Variants in RBFOX3 observed in about 807,000 individuals in gnomAD.
The protein encoded by RBFOX3 is RNA binding protein fox-1 homolog 3.
Under a neutral mutation model 48.7 loss-of-function variants are expected in RBFOX3, and 17 were observed. That is an observed-to-expected ratio of 0.35 (90% CI 0.24 to 0.52). The LOEUF (loss-of-function observed/expected upper bound fraction) is 0.52. Ranked by LOEUF, RBFOX3 falls within the 20% of genes least tolerant of loss-of-function variation. RBFOX3 has a pLI of 0.94. For synonymous variants in RBFOX3, 212 were observed against 209.5 expected, an observed-to-expected ratio of 1.01 and a Z score of -0.10; for missense variants, 382 against 497.5, an observed-to-expected ratio of 0.77 and a Z score of 2.21.
At chr17:79,143,142 C>A (rs965531383) in intron 4 of RBFOX3, among the ~76,000 whole-genome samples, 22 of 152,140 alleles carry the variant, frequency 1.4e-4, no homozygotes, top group Admixed American at 9.2e-4. Flanking sequence ...ATACCTTGGA[C>A]CCCACAAGAA....
chr17:79,308,386 G>A (rs8082181), intron 2 of RBFOX3, among the ~76,000 whole-genome samples: 23,608 of 152,200 alleles, frequency 0.16, 1,923 homozygotes, highest in Non-Finnish European at 0.18. Context: ...GACCCCATCA[G>A]TGTCACCACG....
intron 2 of RBFOX3, among the ~76,000 whole-genome samples, chr17:79,379,049 A>T (rs986816512): frequency 6.6e-6 from 1 of 152,112 alleles, no homozygotes; most frequent in African/African-American, 2.4e-5. Context: ...GGGATTCTCA[A>T]CTGGGGAAGC....
intron 5 of RBFOX3, among the ~76,000 whole-genome samples, chr17:79,113,613 C>T (rs545332944): frequency 6.6e-6 from 1 of 152,264 alleles, no homozygotes; most frequent in Admixed American, 6.5e-5. Flanking sequence ...GGTGGTGAGA[C>T]TCCCATCCTC....
intron 1 of RBFOX3, among the ~76,000 whole-genome samples, chr17:79,547,370 G>A (rs1277139042): frequency 6.6e-6 from 1 of 152,178 alleles, no homozygotes; most frequent in Non-Finnish European, 1.5e-5. Flanking sequence ...CAGGAGAATT[G>A]CTTGAATCCC....
At chr17:79,329,959 C>T (rs1001371618) in intron 2 of RBFOX3, among the ~76,000 whole-genome samples, 2 of 152,196 alleles carry the variant, frequency 1.3e-5, no homozygotes, top group African/African-American at 4.8e-5. Context: ...CCCAGGAGCA[C>T]CTCTGTTCAC....
rs1164746364 is a variant in RBFOX3 at position 79,553,749 on chromosome 17, G to GTC, written c.-320+57075_-320+57076dup. Among the ~76,000 whole-genome samples the GTC allele has an allele frequency of 6.7e-3, 999 of 149,752 alleles. 5 individuals carry two copies. Among genetic ancestry groups the GTC allele is most frequent in the South Asian group, 0.029 (139 of 4,738 alleles). On this transcript the variant is annotated intron_variant, in intron 1 of 14. Transcript: ENST00000693108. ...TGTTTGTTTTCGTTTTTGAGACAGA[G>GTC]TCTCTCTCTCTCTCTCTCTGTTGCC...
chr17:79,193,694 C>T (rs2054975658), intron 4 of RBFOX3, among the ~76,000 whole-genome samples: 1 of 152,096 alleles, frequency 6.6e-6, no homozygotes, highest in Admixed American at 6.5e-5. Flanking sequence ...ATTGGAAATC[C>T]ACACTGGGAA....
intron 4 of RBFOX3, among the ~76,000 whole-genome samples, chr17:79,191,265 A>G (rs1221336123): frequency 2.0e-5 from 3 of 152,200 alleles, no homozygotes; most frequent in Non-Finnish European, 4.4e-5. Context: ...TAGAGAGGGA[A>G]TGGTGGCCCG....
intron 2 of RBFOX3, among the ~76,000 whole-genome samples, chr17:79,380,048 A>T (rs2059701040): frequency 6.6e-6 from 1 of 151,738 alleles, no homozygotes; most frequent in Non-Finnish European, 1.5e-5. Context: ...TCCCTCTGTT[A>T]GTCACCTCCC....
chr17:79,324,504 A>T lies in RBFOX3; in HGVS notation c.-174-16680T>A, dbSNP rs563144972. Among the ~76,000 whole-genome samples the T allele has an allele frequency of 2.4e-4, 36 of 152,250 alleles. No homozygotes were observed. The South Asian group carries it at 7.5e-3, about 32-fold the overall frequency. The stretch of plus-strand genomic sequence containing the variant: ...ATTGGCAGTGCCCCTTCTTCGATGG[A>T]GGGCATGTAGCTTATCCTCACATCC... On this transcript the variant is annotated intron_variant, in intron 2 of 14. Coordinates refer to ENST00000693108, the MANE Select transcript of RBFOX3 (RefSeq NM_001350451.2).
intron 4 of RBFOX3, among the ~76,000 whole-genome samples, chr17:79,140,624 C>T (rs2041732464): frequency 6.6e-6 from 1 of 152,252 alleles, no homozygotes; most frequent in African/African-American, 2.4e-5. Flanking sequence ...GGAAGCACAG[C>T]ATGACAGACC....
At chr17:79,168,858 T>C (rs1322007608) in intron 4 of RBFOX3, among the ~76,000 whole-genome samples, 1 of 149,348 alleles carries the variant, frequency 6.7e-6, no homozygotes, top group Non-Finnish European at 1.5e-5. Context: ...CGCCTGGCCC[T>C]GGGTCATGAA....
intron 4 of RBFOX3, among the ~76,000 whole-genome samples, chr17:79,161,682 G>A (rs780257371): frequency 9.9e-5 from 15 of 152,074 alleles, no homozygotes; most frequent in Non-Finnish European, 2.1e-4. Context: ...TGCAACCTCC[G>A]CCTCCCGGGT....
intron 2 of RBFOX3, among the ~76,000 whole-genome samples, chr17:79,461,441 C>G (rs2149265068): frequency 6.6e-6 from 1 of 152,326 alleles, no homozygotes; most frequent in East Asian, 1.9e-4. Context: ...GATTGCATCT[C>G]CAACCATTTC....
At chr17:79,568,202 T>C (rs1049329365) in intron 1 of RBFOX3, among the ~76,000 whole-genome samples, 3,813 of 152,132 alleles carry the variant, frequency 0.025, 152 homozygotes, top group African/African-American at 0.087. Flanking sequence ...GAAGCAAACA[T>C]CCAAGGCCCC....
rs1425156831 is a variant in RBFOX3 at position 79,307,723 on chromosome 17, C to T, written c.-74+1G>A. ...CATTGCGTAGAGAGGTTGGTTCTTA[C>T]CTGTTTGCAGAGGGATGGCTCCAGG... is the stretch of plus-strand genomic sequence containing the variant. On this transcript the variant is annotated splice_donor_variant, in intron 3 of 14. Transcript: ENST00000693108. LOFTEE classifies it low-confidence loss of function (5UTR_SPLICE). The T allele has an allele frequency of 6.5e-6, 1 of 153,736 alleles. No homozygotes were observed. Among genetic ancestry groups the T allele is most frequent in the Non-Finnish European group, 1.5e-5 (1 of 68,056 alleles). The allele number at this position is 153,736 out of a possible 1,614,324, so 9.5% of individuals were successfully genotyped here.
At chr17:79,600,239 G>C (rs1257803478) in intron 1 of RBFOX3, 1 of 152,248 alleles carries the variant, frequency 6.6e-6, no homozygotes, top group Non-Finnish European at 1.5e-5. Context: ...CACGCACACA[G>C]GTACATGTGG....
rs544900946 is a variant in RBFOX3, at chr17:79,237,381, GC to G, written c.-73-1577del. 7.2e-5 allele frequency among the ~76,000 whole-genome samples: 11 copies of G among 152,312 alleles called. No individual in the cohort carries two copies. The East Asian group carries it at 2.1e-3, about 29-fold the overall frequency. Reference sequence around the variant, plus strand: ...TCAGCCCTCCCAACAGCTCTAGCAGGCAGGTACACTTCTTACTCTTCCCATT... The same window carrying G: ...TCAGCCCTCCCAACAGCTCTAGCAGGAGGTACACTTCTTACTCTTCCCATT... On this transcript the variant is annotated intron_variant, in intron 3 of 14. Transcript: ENST00000693108.
chr17:79,342,455 T>C (rs553591177), intron 2 of RBFOX3, among the ~76,000 whole-genome samples: 1 of 152,302 alleles, frequency 6.6e-6, no homozygotes, highest in Admixed American at 6.5e-5. Flanking sequence ...AAAGGCAATA[T>C]GTTAAGCAGG....
Sources: gnomAD v4.1 joint callset for allele counts (sites outside exome capture counted in the v4.1 genomes callset) on GRCh38, gnomAD v4.1.1 for gene constraint, MANE v1.5 for transcripts, NCBI Gene and HGNC (gene_info 2026-07-23, HGNC 2026-07-21) for gene names.